The following C2CD3 variants were observed in gnomAD, a reference collection of about 807,000 sequenced individuals.
C2CD3 encodes the protein C2 domain-containing protein 3.
In C2CD3, 148 loss-of-function variants were observed where a neutral mutation model predicts 234.0. That is an observed-to-expected ratio of 0.63 (90% confidence interval 0.55 to 0.72). The LOEUF (loss-of-function observed/expected upper bound fraction) is 0.72, where lower values mean the gene tolerates loss of function less well. Among genes scored for constraint, C2CD3 ranks in the 30% least tolerant of loss-of-function variants. C2CD3 has a pLI of 0.00. For synonymous variants in C2CD3, 1,000 were observed against 1,035.4 expected (o/e 0.97, Z 0.66); for missense variants, 2,577 against 2,811.5 (o/e 0.92, Z 1.89).
chr11:74,033,978 T>G lies in C2CD3; in HGVS notation c.6182A>C (p.Asp2061Ala). The G allele has an allele frequency of 6.5e-7, 1 of 1,536,462 alleles. No homozygotes were observed. Among genetic ancestry groups the G allele is most frequent in the Non-Finnish European group, 8.7e-7 (1 of 1,146,968 alleles). The change falls in exon 31 of 33, where the codon GAT becomes GCT. Residue 2061 changes from aspartate to alanine, a missense_variant. Physicochemically the swap from Asp to Ala is moderately radical, Grantham distance 126. Coordinates refer to ENST00000334126, the MANE Select transcript of C2CD3 (RefSeq NM_001286577.2). ...AATGATGTCTTCTTCATAGTCCTCA[T>G]CACTGTAGGCTGGGCCTGCCTCAGT... ...EDTEAGPAYS[D>A]EDYEEDIIEP...
intron 3 of C2CD3, 105 bp from the exon 4 acceptor site, chr11:74,139,933 T>C: frequency 1.9e-6 from 1 of 535,182 alleles, no homozygotes. Flanking sequence ...CCCTACAGGA[T>C]TGTAAGGAAT....
At chr11:74,061,462 G>A (rs1052890727) in intron 24 of C2CD3, among the ~76,000 whole-genome samples, 6 of 152,130 alleles carry the variant, frequency 3.9e-5, no homozygotes, top group Admixed American at 3.9e-4. Flanking sequence ...AGAGAGTGGG[G>A]GCCAATATTC....
intron 24 of C2CD3, among the ~76,000 whole-genome samples, chr11:74,062,534 TA>T (rs1337314348): frequency 5.9e-5 from 9 of 152,022 alleles, no homozygotes; most frequent in African/African-American, 2.2e-4. Flanking sequence ...ACTGGGTACA[TA>T]ACGAAATGAA....
chr11:74,166,763 C>A (rs558592493), intron 2 of C2CD3, among the ~76,000 whole-genome samples: 35 of 152,304 alleles, frequency 2.3e-4, no homozygotes, highest in Non-Finnish European at 4.6e-4. Flanking sequence ...AATCTCTGTA[C>A]ACGCTGCCTG....
At chr11:74,035,970 G>C (rs114441377) in intron 30 of C2CD3, among the ~76,000 whole-genome samples, 78 of 151,996 alleles carry the variant, frequency 5.1e-4, no homozygotes, top group African/African-American at 1.9e-3. Context: ...AGCGATTCTC[G>C]TGTCTCAGAC....
chr11:74,029,355 G>A (rs145600232), intron 31 of C2CD3, among the ~76,000 whole-genome samples: 1 of 152,366 alleles, frequency 6.6e-6, no homozygotes, highest in East Asian at 1.9e-4. Context: ...AGAAGGCAGA[G>A]ATGATCTGTC....
rs150676400 is a variant in C2CD3, at chr11:74,033,817, G to A, written c.6343C>T (p.Pro2115Ser). 0.012 allele frequency: 18,595 copies of A among 1,536,238 alleles called. 135 individuals are homozygous for A. The highest frequency in any genetic ancestry group is 0.015 in the Non-Finnish European group (17,014 of 1,146,908). ...VQREGPSCPS[P>S]GPFCREELMV... ...AGCTCCTCTCTGCAGAAAGGCCCTG[G>A]AGAAGGACAAGAGGGGCCTTCCCTC... Residue 2115 changes from proline to serine, a missense_variant, in exon 31 of 33, where the codon CCA becomes TCA. Physicochemically the swap from Pro to Ser is moderately conservative, Grantham distance 74. Transcript: ENST00000334126.
chr11:74,132,876 A>C lies in C2CD3; in HGVS notation c.1185T>G (p.Ala395=), dbSNP rs1476755423. 1.2e-6 allele frequency: 2 copies of C among 1,614,008 alleles called. No homozygotes were observed. The highest frequency in any genetic ancestry group is 2.2e-5 in the South Asian group (2 of 91,074). ...ENTFWRHDTK[A]DTRAIQLLLG... is the part of the protein sequence containing the mutation. ...ATAGCAGCTGTATAGCTCTGGTATC[A>C]GCTTTTGTGTCATGTCTCCAAAATG... The change falls in exon 7 of 33, where the codon GCT becomes GCG. Residue 395 remains alanine, a synonymous_variant. Transcript: ENST00000334126.
At chr11:74,065,680 T>C (rs967885951) in intron 24 of C2CD3, among the ~76,000 whole-genome samples, 2 of 152,090 alleles carry the variant, frequency 1.3e-5, no homozygotes, top group East Asian at 3.9e-4. Flanking sequence ...CCATCAATGA[T>C]AGACTGGATT....
chr11:74,052,322 C>T (rs1257670515), intron 26 of C2CD3, among the ~76,000 whole-genome samples: 3 of 152,126 alleles, frequency 2.0e-5, no homozygotes, highest in African/African-American at 7.2e-5. Flanking sequence ...AATTATGTGC[C>T]AAGTACTTTA....
rs79933676 is a variant in C2CD3 at position 74,096,812 on chromosome 11, C to T, written c.2979+1197G>A. Among the ~76,000 whole-genome samples, 528 of 152,246 alleles carry T rather than the reference C, an allele frequency of 3.5e-3. 5 individuals are homozygous for T. Among genetic ancestry groups the T allele is most frequent in the African/African-American group, 0.012 (500 of 41,530 alleles). ...ATTTGTGCTTTTATGTAATTTTCAA[C>T]TTGAAAAATACGATTATCTATTGAC... is the stretch of plus-strand genomic sequence containing the variant. On this transcript the variant is annotated intron_variant, in intron 16 of 32. Transcript: ENST00000334126.
chr11:74,047,058 G>A (rs765644108), intron 28 of C2CD3, among the ~76,000 whole-genome samples: 5 of 152,194 alleles, frequency 3.3e-5, no homozygotes, highest in Non-Finnish European at 7.4e-5. Context: ...GAAAACTAAA[G>A]TAATTAGCCT....
At chr11:74,081,856 T>C (rs1399022694) in intron 22 of C2CD3, among the ~76,000 whole-genome samples, 1 of 152,234 alleles carries the variant, frequency 6.6e-6, no homozygotes, top group African/African-American at 2.4e-5. Flanking sequence ...TTGCTGAAGT[T>C]GCTTATCAGC....
Position 74,090,832 on chromosome 11 carries a change from C to G in C2CD3, c.3622G>C (p.Gly1208Arg), listed in dbSNP as rs766843899. Reference sequence around the variant, plus strand: ...ACTTACTTGGCTGCTGCTTGCAGACCACAGGCTCTGATAATCTGGACTGAG... The same window carrying G: ...ACTTACTTGGCTGCTGCTTGCAGACGACAGGCTCTGATAATCTGGACTGAG... ...SISVQIIRAC[G>R]LQAAAKALAE... Residue 1208 changes from glycine to arginine, a missense_variant, in exon 20 of 33, where the codon GGT becomes CGT. Gly to Arg is a moderately radical substitution (Grantham distance 125, BLOSUM62 -2). Coordinates refer to ENST00000334126, the MANE Select transcript of C2CD3 (RefSeq NM_001286577.2). 1 of 1,614,132 alleles carries G rather than the reference C, an allele frequency of 6.2e-7. No individual in the cohort carries two copies. Among genetic ancestry groups the G allele is most frequent in the Non-Finnish European group, 8.5e-7 (1 of 1,180,008 alleles).
intron 5 of C2CD3, 97 bp downstream of exon 5, chr11:74,138,623 C>A: frequency 1.0e-6 from 1 of 963,574 alleles, no homozygotes. Flanking sequence ...TGACTTAGTT[C>A]AAACAAGAGT....
At chr11:74,046,839 G>T (rs1375926594) in intron 28 of C2CD3, among the ~76,000 whole-genome samples, 1 of 152,104 alleles carries the variant, frequency 6.6e-6, no homozygotes, top group Non-Finnish European at 1.5e-5. Flanking sequence ...AAAGCACAAA[G>T]ACCAGAAAGT....
chr11:74,162,355 T>C (rs1174060480), intron 2 of C2CD3, among the ~76,000 whole-genome samples: 1 of 152,148 alleles, frequency 6.6e-6, no homozygotes, highest in Non-Finnish European at 1.5e-5. Context: ...CTTTTATTAG[T>C]ATAGAATTTA....
chr11:74,054,095 AC>A (rs1478719002), intron 26 of C2CD3, among the ~76,000 whole-genome samples: 2 of 151,334 alleles, frequency 1.3e-5, no homozygotes, highest in East Asian at 3.9e-4. Flanking sequence ...ACACGCTGAA[AC>A]CCTCTCTCTA....
chr11:74,074,172 G>T, intron 24 of C2CD3, 81 bp downstream of exon 24: 2 of 936,178 alleles, frequency 2.1e-6, no homozygotes, highest in Non-Finnish European at 1.6e-6. Context: ...AACAGATCCT[G>T]CCATGATTTG....
Sources: gnomAD v4.1 joint callset for allele counts (sites outside exome capture counted in the v4.1 genomes callset) on GRCh38, gnomAD v4.1.1 for gene constraint, MANE v1.5 for transcripts, NCBI Gene and HGNC (gene_info 2026-07-23, HGNC 2026-07-21) for gene names.